RGS20: variants seen among roughly 807,000 people sequenced by gnomAD.
RGS20 encodes regulator of G protein signaling 20.
RGS20 carries 30 observed loss-of-function variants against 33.6 expected under a neutral mutation model. That is an observed-to-expected ratio of 0.89 (90% CI 0.67 to 1.21). The LOEUF is 1.21. Ranked by LOEUF, RGS20 falls within the 50% of genes most tolerant of loss-of-function variation. The probability of loss-of-function intolerance (pLI) is 0.00; values close to 1 mark genes in which losing one functional copy is unlikely to be tolerated. For missense variants in RGS20, 472 were observed against 502.4 expected (o/e 0.94, Z 0.58); for synonymous variants, 208 against 197.9 (o/e 1.05, Z -0.43).
Position 53,921,447 on chromosome 8 carries a change from T to C in RGS20, c.511-18129T>C, listed in dbSNP as rs565832684. ...CTGAGCTGAGCTGAGCTTTTCTTTT[T>C]TTTTTTTTTTTTAAATACACCAGCC... On this transcript the variant is annotated intron_variant, in intron 2 of 5. Transcript: ENST00000297313. Among the ~76,000 whole-genome samples, 76 of 151,932 alleles carry C rather than the reference T, an allele frequency of 5.0e-4. 1 individual carries two copies. Among genetic ancestry groups the C allele is most frequent in the African/African-American group, 1.7e-3 (71 of 41,520 alleles).
intron 2 of RGS20, among the ~76,000 whole-genome samples, chr8:53,896,779 G>T (rs1025129760): frequency 6.6e-6 from 1 of 152,152 alleles, no homozygotes; most frequent in African/African-American, 2.4e-5. Flanking sequence ...CAATTAACAA[G>T]CCCCAAAAGG....
At position 53,879,198 on chromosome 8, in the gene RGS20, C is replaced by G. The variant is rs894839347; in HGVS notation, c.166-60C>G. On this transcript the variant is annotated intron_variant, in intron 1 of 5. Coordinates refer to ENST00000297313, the MANE Select transcript of RGS20 (RefSeq NM_170587.4). The stretch of plus-strand genomic sequence containing the variant: ...AAAATTCTGTAGTAAAGAGCCCCAT[C>G]TAAGCGGCCGGACACCACAGTAACC... 5 of 1,422,486 alleles carry G rather than the reference C, an allele frequency of 3.5e-6. No individual in the cohort carries two copies. The African/African-American group carries it at 7.1e-5, about 20-fold the overall frequency. 88.1% of individuals were successfully genotyped at this position (1,422,486 alleles called of 1,614,324 possible). A position where few individuals can be genotyped will look rare whatever the true frequency, so the allele number is the denominator to read the frequency against.
chr8:53,959,128 GAA>G lies in RGS20; in HGVS notation c.*673_*674del, dbSNP rs937917405. The G allele has an allele frequency of 2.0e-5, 3 of 152,150 alleles. No individual in the cohort carries two copies. Among genetic ancestry groups the G allele is most frequent in the African/African-American group, 4.8e-5 (2 of 41,436 alleles). 9.4% of individuals were successfully genotyped at this position (152,150 alleles called of 1,614,324 possible). On this transcript the variant is annotated 3_prime_UTR_variant, in exon 6 of 6. Coordinates refer to ENST00000297313, the MANE Select transcript of RGS20 (RefSeq NM_170587.4). ...GCAGTGCTTAGAAAATTCTTTTGTT[GAA>G]AAGAGTTACTGTTATTATCAGAATT... is the stretch of plus-strand genomic sequence containing the variant.
chr8:53,911,775 C>T (rs944430626), intron 2 of RGS20, among the ~76,000 whole-genome samples: 4 of 151,978 alleles, frequency 2.6e-5, no homozygotes, highest in African/African-American at 9.7e-5. Flanking sequence ...CCCATCTCTA[C>T]TAAAAATACA....
intron 3 of RGS20, among the ~76,000 whole-genome samples, chr8:53,945,784 T>A (rs950378545): frequency 2.6e-5 from 4 of 151,752 alleles, no homozygotes; most frequent in African/African-American, 7.3e-5. Context: ...ATGCCTGTAG[T>A]CCCAGCTACT....
chr8:53,861,240 C>G (rs2129267848), intron 1 of RGS20, among the ~76,000 whole-genome samples: 1 of 152,298 alleles, frequency 6.6e-6, no homozygotes, highest in South Asian at 2.1e-4. Context: ...AGACATTCTG[C>G]AAAGTATCTG....
intron 2 of RGS20, chr8:53,914,037 C>CTTCTTTTTTTT (rs1813418414): frequency 7.3e-6 from 1 of 136,938 alleles, no homozygotes; most frequent in African/African-American, 2.8e-5. Flanking sequence ...TCCAATCTCT[C>CTTCTTTTTTTT]TTTTTTTTTT....
chr8:53,918,607 C>A (rs540214440), intron 2 of RGS20, among the ~76,000 whole-genome samples: 2 of 151,996 alleles, frequency 1.3e-5, no homozygotes, highest in Non-Finnish European at 2.9e-5. Flanking sequence ...AGGCTGGTCT[C>A]GAACTCCTGA....
At chr8:53,947,780 A>G (rs1814555690) in intron 4 of RGS20, among the ~76,000 whole-genome samples, 1 of 116,134 alleles carries the variant, frequency 8.6e-6, no homozygotes, top group Non-Finnish European at 1.9e-5. Context: ...TATAGGATAT[A>G]GTATATACAT....
chr8:53,857,767 A>G (rs555037895), intron 1 of RGS20, among the ~76,000 whole-genome samples: 159 of 152,352 alleles, frequency 1.0e-3, no homozygotes, highest in African/African-American at 3.7e-3. Context: ...ATATAATGCA[A>G]ATATTCCAAA....
chr8:53,876,576 G>T (rs529168188), intron 1 of RGS20: 6 of 152,262 alleles, frequency 3.9e-5, no homozygotes, highest in Non-Finnish European at 5.9e-5. Context: ...AGGTCTTTCT[G>T]CAGATAACTT....
chr8:53,879,699 G>A (rs1812302784), intron 2 of RGS20: 2 of 1,084,054 alleles, frequency 1.8e-6, no homozygotes, highest in East Asian at 6.1e-5. Flanking sequence ...GCTCCGCTGG[G>A]GCTAGCAGTA....
At chr8:53,950,366 C>A (rs955898387) in intron 4 of RGS20, among the ~76,000 whole-genome samples, 9 of 152,108 alleles carry the variant, frequency 5.9e-5, no homozygotes, top group Non-Finnish European at 1.2e-4. Context: ...ATGCTTGGAA[C>A]TAGAAATGTC....
chr8:53,954,975 C>T (rs1277379925), intron 5 of RGS20, among the ~76,000 whole-genome samples: 9 of 151,508 alleles, frequency 5.9e-5, no homozygotes, highest in African/African-American at 2.2e-4. Context: ...CGTGAGCCAC[C>T]GTGCCCGGCC....
In RGS20 at chr8:53,851,927, G is replaced by A; in HGVS notation, c.28G>A (p.Glu10Lys). 3 of 1,614,068 alleles carry A rather than the reference G, an allele frequency of 1.9e-6. No individual in the cohort carries two copies. Among genetic ancestry groups the A allele is most frequent in the Non-Finnish European group, 2.5e-6 (3 of 1,179,994 alleles). Residue 10 changes from glutamate to lysine, a missense_variant, in exon 1 of 6, where the codon GAG (glutamate) becomes AAG (lysine). By Grantham distance (56) the Glu-to-Lys change is moderately conservative. Around this residue, in one of 3 missense-constraint regions of RGS20, gnomAD observed 28 missense variants for 49.6 expected, o/e 0.57. Transcript: ENST00000297313. ...GCCCCAGCTTTCCCAAGATAACCAAGAGTGCCTCCAGAAACATTTCTCCAG... is the reference window on the plus strand; with the variant it reads ...GCCCCAGCTTTCCCAAGATAACCAAAAGTGCCTCCAGAAACATTTCTCCAG...
chr8:53,954,689 CTT>C (rs139245547), intron 5 of RGS20, among the ~76,000 whole-genome samples: 99 of 131,122 alleles, frequency 7.6e-4, no homozygotes, highest in Middle Eastern at 4.0e-3. Context: ...AAGTAATTGC[CTT>C]TTTTTTTTTT....
chr8:53,855,561 G>C (rs1382957110), intron 1 of RGS20, among the ~76,000 whole-genome samples: 1 of 152,128 alleles, frequency 6.6e-6, no homozygotes. Flanking sequence ...TGCTAAAATT[G>C]CATGAAACTA....
rs144455284 is a variant in RGS20, at chr8:53,858,845, T to G, written c.165+6781T>G. ...TAACCTGTAGGCCATGTCCAATGCC[T>G]CCTTGACTGTCTGAAAAATATCCAG... On this transcript the variant is annotated intron_variant, in intron 1 of 5. Transcript: ENST00000297313. Among the ~76,000 whole-genome samples the G allele has an allele frequency of 6.1e-3, 847 of 138,434 alleles. 10 individuals are homozygous for G. The highest frequency in any genetic ancestry group is 0.022 in the African/African-American group (812 of 36,804). The allele number at this position is 138,434 out of a possible 152,430, so 90.8% of individuals were successfully genotyped here. A position where few individuals can be genotyped will look rare whatever the true frequency, so the allele number is the denominator to read the frequency against.
chr8:53,882,759 G>A (rs1468634988), intron 2 of RGS20, among the ~76,000 whole-genome samples: 3 of 152,102 alleles, frequency 2.0e-5, no homozygotes, highest in African/African-American at 7.2e-5. Context: ...TGCCCTCGGT[G>A]CCAGCAGGAC....
Sources: gnomAD v4.1 joint callset for allele counts (sites outside exome capture counted in the v4.1 genomes callset) on GRCh38, gnomAD v4.1.1 for gene constraint, gnomAD v4.1.1 regional missense constraint, MANE v1.5 for transcripts, NCBI Gene and HGNC (gene_info 2026-07-23, HGNC 2026-07-21) for gene names.